The following NRF1 variants were observed in gnomAD, a reference collection of about 807,000 sequenced individuals.
The protein encoded by NRF1 is nuclear respiratory factor 1, also known as alpha palindromic-binding protein.
NRF1 carries 5 observed loss-of-function variants against 58.5 expected under a neutral mutation model. The observed-to-expected ratio is 0.09, with a 90% CI of 0.04 to 0.18. NRF1 has a LOEUF of 0.18. NRF1 is among the 10% of genes least tolerant of loss of function. The pLI is 1.00. For synonymous variants in NRF1, 224 were observed against 246.7 expected (o/e 0.91, Z 0.86); for missense variants, 288 against 657.7 (o/e 0.44, Z 6.15).
intron 10 of NRF1, 111 bp from the exon 11 acceptor site, chr7:129,754,907 T>G: frequency 9.4e-7 from 1 of 1,067,966 alleles, no homozygotes; most frequent in Non-Finnish European, 1.3e-6. Flanking sequence ...TGTGATCACC[T>G]GAGGCTGGTG....
At chr7:129,648,525 C>T (rs1022149665) in intron 1 of NRF1, among the ~76,000 whole-genome samples, 4 of 152,056 alleles carry the variant, frequency 2.6e-5, no homozygotes, top group African/African-American at 9.7e-5. Flanking sequence ...GTGATCCGCC[C>T]TTCTCAGCCT....
intron 1 of NRF1, among the ~76,000 whole-genome samples, chr7:129,641,241 CTTT>C (rs903234701): frequency 6.6e-6 from 1 of 152,120 alleles, no homozygotes; most frequent in African/African-American, 2.4e-5. Flanking sequence ...ATTTAACTCA[CTTT>C]TTTACCCCTG....
rs562961496 is a variant in NRF1 at position 129,686,676 on chromosome 7, A to G, written c.466-3730A>G. On this transcript the variant is annotated intron_variant, in intron 4 of 10. Coordinates refer to ENST00000393232, the MANE Select transcript of NRF1 (RefSeq NM_005011.5). ...GCTCAATAAACGGTGTTTGATGACA[A>G]TAAGTGTTTCCAAAATTTCAAATGG... Among the ~76,000 whole-genome samples, 29 of 152,384 alleles carry G rather than the reference A, an allele frequency of 1.9e-4. No homozygotes were observed. In the East Asian group the frequency reaches 2.5e-3, roughly 13 times the overall value.
intron 10 of NRF1, among the ~76,000 whole-genome samples, chr7:129,728,966 CTCCTACT>C (rs1001285559): frequency 6.6e-4 from 100 of 152,320 alleles, no homozygotes; most frequent in African/African-American, 2.3e-3. Flanking sequence ...TCTAGCTAGA[CTCCTACT>C]TCTATTTTTT....
chr7:129,692,814 C>T (rs932870577), intron 5 of NRF1, among the ~76,000 whole-genome samples: 1 of 152,104 alleles, frequency 6.6e-6, no homozygotes, highest in Non-Finnish European at 1.5e-5. Flanking sequence ...TTTGCTGTTC[C>T]CTTTGCCTGA....
chr7:129,653,137 C>T (rs1801575126), intron 1 of NRF1, among the ~76,000 whole-genome samples: 1 of 152,178 alleles, frequency 6.6e-6, no homozygotes, highest in Admixed American at 6.5e-5. Flanking sequence ...ATGAATTTGA[C>T]TACTCTAGGT....
intron 9 of NRF1, among the ~76,000 whole-genome samples, chr7:129,722,873 T>A (rs1803360881): frequency 6.6e-6 from 1 of 152,176 alleles, no homozygotes; most frequent in Non-Finnish European, 1.5e-5. Flanking sequence ...AAGATGAGAT[T>A]ATTGTAAATT....
At position 129,671,486 on chromosome 7, in the gene NRF1, C is replaced by G. The variant is rs1370085362; in HGVS notation, c.281C>G (p.Pro94Arg). Residue 94 changes from proline to arginine, a missense_variant, in exon 3 of 11, where the codon CCT becomes CGT. Pro to Arg is a moderately radical substitution (Grantham distance 103). Transcript: ENST00000393232. Reference sequence around the variant, plus strand: ...GCAACAGGAAAGAAACGGAAACGGCCTCATGTATTTGAGTCTAATCCATCT... The same window carrying G: ...GCAACAGGAAAGAAACGGAAACGGCGTCATGTATTTGAGTCTAATCCATCT... Reference protein sequence around the residue: ...AVATGKKRKRPHVFESNPSIR... With the variant: ...AVATGKKRKRRHVFESNPSIR... The G allele has an allele frequency of 6.2e-7, 1 of 1,614,088 alleles. No homozygotes were observed. The highest frequency in any genetic ancestry group is 8.5e-7 in the Non-Finnish European group (1 of 1,179,956).
intron 1 of NRF1, among the ~76,000 whole-genome samples, chr7:129,639,848 G>GC (rs927538475): frequency 3.2e-4 from 48 of 151,880 alleles, no homozygotes; most frequent in East Asian, 3.1e-3. Context: ...GCGCTCTTCC[G>GC]CCCCCCCTTT....
chr7:129,702,058 G>C (rs1389697763), intron 5 of NRF1, among the ~76,000 whole-genome samples: 3 of 152,152 alleles, frequency 2.0e-5, no homozygotes, highest in Non-Finnish European at 4.4e-5. Flanking sequence ...ATAGAATTTG[G>C]CCTAGAAGGA....
chr7:129,685,556 AGTGTGTGTGTGTGTGTGTGTGT>A lies in NRF1; in HGVS notation c.466-4823_466-4802del, dbSNP rs67721424. Among the ~76,000 whole-genome samples the A allele has an allele frequency of 5.2e-3, 751 of 143,088 alleles. 7 individuals are homozygous for A. Among genetic ancestry groups the A allele is most frequent in the South Asian group, 0.018 (75 of 4,254 alleles). 93.9% of individuals were successfully genotyped at this position (143,088 alleles called of 152,430 possible). A position where few individuals can be genotyped will look rare whatever the true frequency, so the allele number is the denominator to read the frequency against. ...AACATGTAAGACCCTGTCTCATTCAAGTGTGTGTGTGTGTGTGTGTGTGTGTGTGTGTGTGTGTGTGTGTGTG... is the reference window on the plus strand; with the variant it reads ...AACATGTAAGACCCTGTCTCATTCAAGTGTGTGTGTGTGTGTGTGTGTGTG... On this transcript the variant is annotated intron_variant, in intron 4 of 10. Transcript: ENST00000393232.
intron 4 of NRF1, among the ~76,000 whole-genome samples, chr7:129,686,066 C>T (rs566491268): frequency 8.3e-5 from 12 of 144,580 alleles, no homozygotes; most frequent in African/African-American, 2.9e-4. Flanking sequence ...CACACCACTG[C>T]ACTCCAGCCT....
At chr7:129,688,789 C>G (rs1002489054) in intron 4 of NRF1, among the ~76,000 whole-genome samples, 23 of 152,082 alleles carry the variant, frequency 1.5e-4, no homozygotes, top group Admixed American at 6.6e-4. Context: ...CTCACTATCA[C>G]GAGAACAACA....
chr7:129,695,144 T>A (rs1234151512), intron 5 of NRF1, among the ~76,000 whole-genome samples: 1 of 152,184 alleles, frequency 6.6e-6, no homozygotes, highest in Non-Finnish European at 1.5e-5. Flanking sequence ...AGTTTAGGGC[T>A]TTATTTTTCT....
chr7:129,727,206 AT>A, intron 9 of NRF1, 34 bp from the exon 10 acceptor site: 1 of 1,551,028 alleles, frequency 6.4e-7, no homozygotes, highest in South Asian at 1.3e-5. Flanking sequence ...CTGTTCCTCT[AT>A]TCATCATCCT....
At chr7:129,622,537 T>A (rs1800822508) in intron 1 of NRF1, among the ~76,000 whole-genome samples, 1 of 151,810 alleles carries the variant, frequency 6.6e-6, no homozygotes, top group Non-Finnish European at 1.5e-5. Flanking sequence ...TACTTTAATA[T>A]GCATGGTTTA....
intron 1 of NRF1, among the ~76,000 whole-genome samples, chr7:129,618,801 T>C (rs1211270034): frequency 6.6e-6 from 1 of 152,196 alleles, no homozygotes; most frequent in Non-Finnish European, 1.5e-5. Flanking sequence ...GGTATGCATA[T>C]AATGAGATAC....
intron 10 of NRF1, among the ~76,000 whole-genome samples, chr7:129,736,492 A>G (rs1018079066): frequency 6.6e-6 from 1 of 151,858 alleles, no homozygotes; most frequent in African/African-American, 2.4e-5. Context: ...CCTGACCTCA[A>G]ATGATCCGGC....
intron 5 of NRF1, among the ~76,000 whole-genome samples, chr7:129,696,256 AAAAT>A (rs1034088925): frequency 6.6e-6 from 1 of 152,116 alleles, no homozygotes; most frequent in African/African-American, 2.4e-5. Flanking sequence ...AAAGAAAATA[AAAAT>A]AAATAAATAA....
Sources: gnomAD v4.1 joint callset for allele counts (sites outside exome capture counted in the v4.1 genomes callset) on GRCh38, gnomAD v4.1.1 for gene constraint, MANE v1.5 for transcripts, NCBI Gene and HGNC (gene_info 2026-07-23, HGNC 2026-07-21) for gene names.